TAOK3: variants seen among roughly 807,000 people sequenced by gnomAD.
TAOK3 encodes the protein TAO kinase 3, also known as serine/threonine-protein kinase TAO3.
TAOK3 carries 40 observed loss-of-function variants against 120.4 expected under a neutral mutation model. The observed-to-expected ratio is 0.33, with a 90% CI of 0.26 to 0.43. TAOK3 has a LOEUF of 0.43. Ranked by LOEUF, TAOK3 falls within the 20% of genes least tolerant of loss-of-function variation. The pLI, the probability that TAOK3 is intolerant of heterozygous loss-of-function variation, is 1.00. For synonymous variants in TAOK3, 355 were observed against 387.5 expected, an observed-to-expected ratio of 0.92 and a Z score of 0.99; for missense variants, 821 against 1,112.1, an observed-to-expected ratio of 0.74 and a Z score of 3.72.
At chr12:118,363,928 C>T (rs1290832734) in intron 1 of TAOK3, among the ~76,000 whole-genome samples, 1 of 152,024 alleles carries the variant, frequency 6.6e-6, no homozygotes, top group African/African-American at 2.4e-5. Flanking sequence ...TTGAGACCAG[C>T]CTGACCAACA....
chr12:118,340,489 T>C (rs2044568327), intron 1 of TAOK3, among the ~76,000 whole-genome samples: 1 of 152,192 alleles, frequency 6.6e-6, no homozygotes, highest in Admixed American at 6.5e-5. Context: ...GTGGAATTTA[T>C]TGTAGGTAAT....
chr12:118,289,369 A>G (rs2140504596), intron 1 of TAOK3, among the ~76,000 whole-genome samples: 1 of 151,212 alleles, frequency 6.6e-6, no homozygotes. Context: ...TGATCTTTTG[A>G]TGATCCTTTT....
At chr12:118,223,643 G>T (rs1046542120) in intron 9 of TAOK3, among the ~76,000 whole-genome samples, 6 of 118,958 alleles carry the variant, frequency 5.0e-5, no homozygotes, top group African/African-American at 2.0e-4. Flanking sequence ...ACCGCACCCG[G>T]CATTTTTTTT....
chr12:118,276,308 G>A (rs934836588), intron 1 of TAOK3, among the ~76,000 whole-genome samples: 2 of 152,170 alleles, frequency 1.3e-5, no homozygotes, highest in African/African-American at 4.8e-5. Context: ...AACCAAATGC[G>A]CTTTGCTGCT....
At chr12:118,221,826 G>C (rs1165284254) in intron 9 of TAOK3, among the ~76,000 whole-genome samples, 1 of 151,202 alleles carries the variant, frequency 6.6e-6, no homozygotes, top group East Asian at 2.0e-4. Flanking sequence ...AGTAGAGATG[G>C]GGTTTCACTG....
At chr12:118,311,200 C>A (rs1445167939) in intron 1 of TAOK3, among the ~76,000 whole-genome samples, 1 of 152,194 alleles carries the variant, frequency 6.6e-6, no homozygotes, top group Non-Finnish European at 1.5e-5. Context: ...GTGGCTCATG[C>A]CTGTAATCCC....
chr12:118,157,170 G>A (rs1037843395), intron 19 of TAOK3, among the ~76,000 whole-genome samples: 10 of 151,836 alleles, frequency 6.6e-5, no homozygotes, highest in African/African-American at 2.2e-4. Flanking sequence ...CCTTCATCCC[G>A]ACTGCCCCTT....
chr12:118,372,418 A>G lies in TAOK3; in HGVS notation c.-194+230T>C, dbSNP rs1236687107. ...CGCACTGTCCCGGCCCCTCTTGGAG[A>G]CCCCTCCCCTCAGACTTTCAGTCTT... On this transcript the variant is annotated intron_variant, in intron 1 of 20. Transcript: ENST00000392533. This position sits in a 1 kb window ranked among gnomAD's most constrained non-coding sequence, Gnocchi z 4.6. Among the ~76,000 whole-genome samples, 1 of 118,294 alleles carries G rather than the reference A, an allele frequency of 8.5e-6. No homozygotes were observed. Among genetic ancestry groups the G allele is most frequent in the Non-Finnish European group, 1.8e-5 (1 of 56,534 alleles). 77.6% of individuals were successfully genotyped at this position (118,294 alleles called of 152,430 possible).
chr12:118,325,141 T>C (rs2043884709), intron 1 of TAOK3, among the ~76,000 whole-genome samples: 1 of 152,190 alleles, frequency 6.6e-6, no homozygotes, highest in Admixed American at 6.5e-5. Context: ...ACACTTAACA[T>C]TGCTTCCAAA....
At chr12:118,239,332 C>A in intron 5 of TAOK3, 60 bp from the exon 6 acceptor site, 2 of 911,602 alleles carry the variant, frequency 2.2e-6, no homozygotes, top group South Asian at 2.9e-5. Flanking sequence ...CTGCTGAAAC[C>A]AACTAAACAA....
At chr12:118,325,203 T>C (rs1325755503) in intron 1 of TAOK3, among the ~76,000 whole-genome samples, 1 of 152,202 alleles carries the variant, frequency 6.6e-6, no homozygotes, top group Non-Finnish European at 1.5e-5. Context: ...CAAATATCTC[T>C]CTGATTACTG....
intron 1 of TAOK3, among the ~76,000 whole-genome samples, chr12:118,339,612 C>T (rs1400504418): frequency 6.6e-6 from 1 of 151,654 alleles, no homozygotes; most frequent in East Asian, 1.9e-4. Context: ...GTCGCCCAGG[C>T]TGGAATGCAG....
At chr12:118,312,797 G>A (rs1238103236) in intron 1 of TAOK3, among the ~76,000 whole-genome samples, 3 of 151,938 alleles carry the variant, frequency 2.0e-5, no homozygotes, top group Non-Finnish European at 4.4e-5. Context: ...CATTATTTTT[G>A]GCTACTGAGT....
chr12:118,362,051 C>G lies in TAOK3; in HGVS notation c.-194+10597G>C, dbSNP rs561415919. Reference sequence around the variant, plus strand: ...CTTCCTTATTTTTAAAATAACGAAACCTTTTTAGCCAACAAATCGGAGGAA... The same window carrying G: ...CTTCCTTATTTTTAAAATAACGAAAGCTTTTTAGCCAACAAATCGGAGGAA... On this transcript the variant is annotated intron_variant, in intron 1 of 20. Coordinates refer to ENST00000392533, the MANE Select transcript of TAOK3 (RefSeq NM_016281.4). Among the ~76,000 whole-genome samples, 3 of 152,174 alleles carry G rather than the reference C, an allele frequency of 2.0e-5. No homozygotes were observed. The East Asian group carries it at 5.8e-4, about 29-fold the overall frequency.
rs554844662 is a variant in TAOK3, at chr12:118,150,879, A to G, written c.*118T>C. ...GTCCGACACGATGTCAGTAAGAGTA[A>G]GAGAGAGAGAGAGTGAGAGCAACGC... is the stretch of plus-strand genomic sequence containing the variant. On this transcript the variant is annotated 3_prime_UTR_variant, in exon 21 of 21. Coordinates refer to ENST00000392533, the MANE Select transcript of TAOK3 (RefSeq NM_016281.4). 2.5e-5 allele frequency: 17 copies of G among 689,930 alleles called. No homozygotes were observed. Among genetic ancestry groups the G allele is most frequent in the Admixed American group, 3.6e-5 (1 of 27,602 alleles). 42.7% of individuals were successfully genotyped at this position (689,930 alleles called of 1,614,324 possible). A position where few individuals can be genotyped will look rare whatever the true frequency, so the allele number is the denominator to read the frequency against.
chr12:118,297,560 T>C (rs2042728938), intron 1 of TAOK3, among the ~76,000 whole-genome samples: 1 of 152,206 alleles, frequency 6.6e-6, no homozygotes, highest in African/African-American at 2.4e-5. Flanking sequence ...CACCAGACTG[T>C]TTTCATCATA....
At chr12:118,227,065 AAAAAAACTTGTTAAG>A (rs2039542934) in intron 9 of TAOK3, among the ~76,000 whole-genome samples, 1 of 152,016 alleles carries the variant, frequency 6.6e-6, no homozygotes, top group Admixed American at 6.6e-5. Flanking sequence ...TTTTGGTAAG[AAAAAAACTTGTTAAG>A]AAAAAACTTG....
Position 118,246,147 on chromosome 12 carries a change from C to T in TAOK3, c.121-1182G>A, listed in dbSNP as rs2040486356. ...CCCTGGTGGCCCTGGGATGGGGAAC[C>T]GCGGTGGCTTCCGCGGAGGTTTCGG... On this transcript the variant is annotated intron_variant, in intron 3 of 20. Transcript: ENST00000392533. 4.9e-6 allele frequency: 7 copies of T among 1,430,116 alleles called. No individual in the cohort carries two copies. In the East Asian group the frequency reaches 1.5e-4, roughly 30 times the overall value. The allele number at this position is 1,430,116 out of a possible 1,614,324, so 88.6% of individuals were successfully genotyped here. A position where few individuals can be genotyped will look rare whatever the true frequency, so the allele number is the denominator to read the frequency against.
intron 5 of TAOK3, among the ~76,000 whole-genome samples, chr12:118,243,164 A>T (rs1265782677): frequency 6.6e-6 from 1 of 152,160 alleles, no homozygotes; most frequent in East Asian, 1.9e-4. Flanking sequence ...TAATTATAAA[A>T]TGATGTCAAC....
Sources: allele counts gnomAD v4.1 joint callset (sites outside exome capture counted in the v4.1 genomes callset), GRCh38; gene constraint gnomAD v4.1.1; non-coding constraint Gnocchi (gnomAD v3.1); transcripts MANE v1.5; gene names NCBI Gene and HGNC (gene_info 2026-07-23, HGNC 2026-07-21).